CRAT: variants seen among roughly 807,000 people sequenced by gnomAD.
The protein encoded by CRAT is carnitine acetylase.
Under a neutral mutation model 73.7 loss-of-function variants are expected in CRAT, and 66 were observed. The ratio of observed to expected loss-of-function variants is 0.90; its 90% CI spans 0.73 to 1.10. The LOEUF (loss-of-function observed/expected upper bound fraction) is 1.10. Ranked by LOEUF, CRAT falls within the 50% of genes least tolerant of loss-of-function variation. CRAT has a pLI of 0.00. For synonymous variants in CRAT, 321 were observed against 343.2 expected, an observed-to-expected ratio of 0.94 and a Z score of 0.71; for missense variants, 745 against 846.9, an observed-to-expected ratio of 0.88 and a Z score of 1.49.
chr9:129,098,593 C>T lies in CRAT; in HGVS notation c.1143G>A (p.Leu381=), dbSNP rs1215589028. The change falls in exon 9 of 14, where the codon CTG becomes CTA. Residue 381 remains leucine (L), a synonymous_variant. Transcript: ENST00000318080. ...TGATCTCGGGGGTGATGTTGAACCGCAGCTTCTTGGGCATGGGCAGGGGCA... is the reference window on the plus strand; with the variant it reads ...TGATCTCGGGGGTGATGTTGAACCGTAGCTTCTTGGGCATGGGCAGGGGCA... The part of the protein sequence containing the change: ...PLVPLPMPKK[L]RFNITPEIKS... The T allele has an allele frequency of 6.3e-7, 1 of 1,599,580 alleles. No homozygotes were observed. Among genetic ancestry groups the T allele is most frequent in the African/African-American group, 1.4e-5 (1 of 73,536 alleles).
chr9:129,108,161 G>A, intron 1 of CRAT, 84 bp from the exon 2 acceptor site: 1 of 1,462,238 alleles, frequency 6.8e-7, no homozygotes, highest in East Asian at 2.3e-5. Context: ...GGGCACTTAA[G>A]TGCCCATCCC....
chr9:129,108,001 A>G lies in CRAT; in HGVS notation c.104T>C (p.Leu35Pro). Residue 35 changes from leucine to proline, a missense_variant, in exon 2 of 14, where the codon CTG (leucine) becomes CCG (proline). Physicochemically the swap from Leu to Pro is moderately conservative, Grantham distance 98. Coordinates refer to ENST00000318080, the MANE Select transcript of CRAT (RefSeq NM_000755.5). ...GAGAGGGGGCACGGGCAGCCGTGGC[A>G]GTGCATCCTGGTGTGCCTTGAAGCG... ...SSRFKAHQDA[L>P]PRLPVPPLQQ... The G allele has an allele frequency of 6.3e-7, 1 of 1,592,614 alleles. No homozygotes were observed. The highest frequency in any genetic ancestry group is 8.5e-7 in the Non-Finnish European group (1 of 1,171,550).
chr9:129,100,419 G>A, intron 7 of CRAT, 92 bp downstream of exon 7: 2 of 1,311,022 alleles, frequency 1.5e-6, no homozygotes, highest in East Asian at 2.6e-5. Context: ...TAGGAGGCTG[G>A]GGACGCAGGG....
rs1431980767 is a variant in CRAT, at chr9:129,107,795, T to G, written c.291+19A>C. 1.2e-6 allele frequency: 2 copies of G among 1,612,998 alleles called. No individual in the cohort carries two copies. Among genetic ancestry groups the G allele is most frequent in the Admixed American group, 1.7e-5 (1 of 60,004 alleles). The stretch of plus-strand genomic sequence containing the variant: ...ATGTGCAGCCAGCAGCAGGTCACAG[T>G]GAGGATGCCCTCACTCACCCAGTTC... On this transcript the variant is annotated intron_variant, in intron 2 of 13. Coordinates refer to ENST00000318080, the MANE Select transcript of CRAT (RefSeq NM_000755.5). This position sits in a 1 kb window ranked among gnomAD's most constrained non-coding sequence, Gnocchi z 5.0.
chr9:129,108,721 T>C (rs1292812417), intron 1 of CRAT: 4 of 1,303,596 alleles, frequency 3.1e-6, no homozygotes, highest in Admixed American at 4.6e-5. Flanking sequence ...CCGAGGCTGC[T>C]CTTGCAGTGG....
intron 1 of CRAT, among the ~76,000 whole-genome samples, chr9:129,109,568 C>T (rs981424841): frequency 6.6e-6 from 1 of 152,170 alleles, no homozygotes; most frequent in Non-Finnish European, 1.5e-5. Context: ...AGTTTCCCTG[C>T]AGGAAGGTAA....
In CRAT at chr9:129,095,399, A is replaced by C. The variant is rs1847210009; in HGVS notation, c.1879T>G (p.Ter627GlyextTer78). Residue 627 changes from the stop codon to glycine (G), a stop_lost, in exon 14 of 14, where the codon TGA (stop) becomes GGA (glycine). Transcript: ENST00000318080. ...TGGCAGGCCTGAGTCCTAGGGGCTC[A>C]GAGCTTGGCCCGGGGGTGGCTCTGC... ...LLQSHPRAKL* is the reference protein window; with the variant it reads ...LLQSHPRAKLG 6.2e-7 allele frequency: 1 copy of C among 1,610,312 alleles called. No individual in the cohort carries two copies. Among genetic ancestry groups the C allele is most frequent in the Non-Finnish European group, 8.5e-7 (1 of 1,179,882 alleles).
chr9:129,102,156 G>C (rs1847713935), intron 5 of CRAT, 99 bp from the exon 6 acceptor site: 10 of 1,379,004 alleles, frequency 7.3e-6, no homozygotes, highest in Non-Finnish European at 9.9e-6. Flanking sequence ...CCTTGGCCTT[G>C]GAGGGGATGG....
chr9:129,095,063 CAA>C lies in CRAT; in HGVS notation c.*332_*333del, dbSNP rs1395719035. On this transcript the variant is annotated 3_prime_UTR_variant, in exon 14 of 14. Transcript: ENST00000318080. ...AGTGGCCGGGGCTGAGCTGGTGAGA[CAA>C]AGAGCTCTTGCCAGTCTCCTGCTCT... is the stretch of plus-strand genomic sequence containing the variant. The C allele has an allele frequency of 2.2e-5, 8 of 368,610 alleles. No individual in the cohort carries two copies. Among genetic ancestry groups the C allele is most frequent in the Non-Finnish European group, 3.5e-5 (7 of 197,546 alleles). The allele number at this position is 368,610 out of a possible 1,614,324, so 22.8% of individuals were successfully genotyped here.
rs1847557599 is a variant in CRAT at position 129,099,949 on chromosome 9, ATCT to A, written c.999_1001del (p.Glu333del). The A allele has an allele frequency of 6.2e-7, 1 of 1,612,900 alleles. No homozygotes were observed. The highest frequency in any genetic ancestry group is 1.7e-5 in the Admixed American group (1 of 59,904). The stretch of plus-strand genomic sequence containing the variant: ...GCTCGTACACAAGCCCACAGGAGCC[ATCT>A]TCTGCCACGATGAACTGTGGAAGGG... On this transcript the variant is annotated inframe_deletion, in exon 8 of 14. Coordinates refer to ENST00000318080, the MANE Select transcript of CRAT (RefSeq NM_000755.5).
Position 129,103,359 on chromosome 9 carries a change from G to A in CRAT, c.411-293C>T, listed in dbSNP as rs1035435329. ...GCAGCTGGAGTGTGGCTTGGTTAGG[G>A]GTCAGTGGGCTGGGTCTACCCACAA... On this transcript the variant is annotated intron_variant, in intron 3 of 13. Coordinates refer to ENST00000318080, the MANE Select transcript of CRAT (RefSeq NM_000755.5). This position sits in a 1 kb window ranked among gnomAD's most constrained non-coding sequence, Gnocchi z 4.6. Among the ~76,000 whole-genome samples the A allele has an allele frequency of 4.6e-5, 7 of 152,168 alleles. No individual in the cohort carries two copies. Among genetic ancestry groups the A allele is most frequent in the Middle Eastern group, 6.9e-3 (2 of 290 alleles).
chr9:129,102,288 G>A (rs1847722212), intron 5 of CRAT, 112 bp downstream of exon 5: 2 of 1,451,314 alleles, frequency 1.4e-6, no homozygotes, highest in Non-Finnish European at 1.9e-6. Context: ...CCCATTCCTG[G>A]GGCACGTGGG....
At chr9:129,098,208 A>G (rs1847414022) in intron 10 of CRAT, 41 bp downstream of exon 10, 1 of 1,612,358 alleles carries the variant, frequency 6.2e-7, no homozygotes, top group African/African-American at 1.3e-5. Context: ...CCCTGCCCCC[A>G]GGTCTCCTCC....
At chr9:129,098,185 C>T (rs374018635) in intron 10 of CRAT, 37 bp from the exon 11 acceptor site, 702 of 1,612,384 alleles carry the variant, frequency 4.4e-4, no homozygotes, top group Non-Finnish European at 5.7e-4. Context: ...CCCTTGGAGG[C>T]GGGCACCCCC....
In CRAT at chr9:129,110,662, C is replaced by T; in HGVS notation, c.-153G>A. 1 of 938,180 alleles carries T rather than the reference C, an allele frequency of 1.1e-6. No individual in the cohort carries two copies. Among genetic ancestry groups the T allele is most frequent in the Non-Finnish European group, 1.5e-6 (1 of 674,944 alleles). The allele number at this position is 938,180 out of a possible 1,614,324, so 58.1% of individuals were successfully genotyped here. A position where few individuals can be genotyped will look rare whatever the true frequency, so the allele number is the denominator to read the frequency against. On this transcript the variant is annotated 5_prime_UTR_variant, in exon 1 of 14. Coordinates refer to ENST00000318080, the MANE Select transcript of CRAT (RefSeq NM_000755.5). This position sits in a 1 kb window ranked among gnomAD's most constrained non-coding sequence, Gnocchi z 5.3. ...CAGCCGCCAGCCGGTAGAGGCAGCC[C>T]CGCGCCCACCCTCTGGGCCGAGCGG... is the stretch of plus-strand genomic sequence containing the variant.
intron 7 of CRAT, 80 bp downstream of exon 7, chr9:129,100,431 C>G: frequency 6.8e-7 from 1 of 1,478,436 alleles, no homozygotes; most frequent in Non-Finnish European, 9.1e-7. Context: ...GACGCAGGGC[C>G]GGGGACGGGC....
At position 129,104,083 on chromosome 9, in the gene CRAT, T is replaced by C. The variant is rs1847846426; in HGVS notation, c.410+105A>G. On this transcript the variant is annotated intron_variant, in intron 3 of 13. Transcript: ENST00000318080. ...GATGCTCCCTACTTCATAAGGCTGC[T>C]TGTGGGGCAGAAAGATAAACAGGGT... 3 of 698,506 alleles carry C rather than the reference T, an allele frequency of 4.3e-6. No individual in the cohort carries two copies. In the Admixed American group the frequency reaches 8.1e-5, roughly 19 times the overall value. 43.3% of individuals were successfully genotyped at this position (698,506 alleles called of 1,614,324 possible).
rs775429689 is a variant in CRAT at position 129,103,035 on chromosome 9, C to G, written c.442G>C (p.Asp148His). 4 of 1,613,998 alleles carry G rather than the reference C, an allele frequency of 2.5e-6. No individual in the cohort carries two copies. The African/African-American group carries it at 5.3e-5, about 22-fold the overall frequency. ...CACTTGTCAATCATGACCTTGAAATCCAACACACCCTCAATGAGTTTGGCA... is the reference window on the plus strand; with the variant it reads ...CACTTGTCAATCATGACCTTGAAATGCAACACACCCTCAATGAGTTTGGCA... ...FAAKLIEGVL[D>H]FKVMIDNETL... The change falls in exon 4 of 14, where the codon GAT becomes CAT. Residue 148 changes from aspartate (D) to histidine (H), a missense_variant. Asp to His is a moderately conservative substitution (Grantham distance 81, BLOSUM62 -1). Coordinates refer to ENST00000318080, the MANE Select transcript of CRAT (RefSeq NM_000755.5). This position sits in a 1 kb window ranked among gnomAD's most constrained non-coding sequence, Gnocchi z 4.6.
chr9:129,095,930 T>C, intron 13 of CRAT, 68 bp downstream of exon 13: 9 of 1,597,000 alleles, frequency 5.6e-6, no homozygotes, highest in African/African-American at 1.3e-5. Context: ...GGGGCCTGTG[T>C]AGGCCACATC....
Sources: allele counts gnomAD v4.1 joint callset (sites outside exome capture counted in the v4.1 genomes callset), GRCh38; gene constraint gnomAD v4.1.1; non-coding constraint Gnocchi (gnomAD v3.1); transcripts MANE v1.5; gene names NCBI Gene and HGNC (gene_info 2026-07-23, HGNC 2026-07-21).